The following HHAT variants were observed in gnomAD, a reference collection of about 807,000 sequenced individuals.
HHAT encodes the protein hedgehog acyltransferase, also known as protein-cysteine N-palmitoyltransferase HHAT.
HHAT carries 47 observed loss-of-function variants against 70.8 expected under a neutral mutation model. The ratio of observed to expected loss-of-function variants is 0.66; its 90% confidence interval spans 0.53 to 0.85. HHAT has a LOEUF of 0.85. Among genes scored for constraint, HHAT ranks in the 40% least tolerant of loss-of-function variants. The pLI is 0.00. For synonymous variants in HHAT, 228 were observed against 247.6 expected (o/e 0.92, Z 0.74); for missense variants, 609 against 604.8 (o/e 1.01, Z -0.07).
At chr1:210,658,230 C>G (rs961296095) in intron 11 of HHAT, among the ~76,000 whole-genome samples, 1 of 152,156 alleles carries the variant, frequency 6.6e-6, no homozygotes, top group Non-Finnish European at 1.5e-5. Flanking sequence ...CTCAGTCTCT[C>G]GAGCTTTCAT....
At chr1:210,660,621 A>G (rs1167801039) in intron 11 of HHAT, among the ~76,000 whole-genome samples, 1 of 152,224 alleles carries the variant, frequency 6.6e-6, no homozygotes, top group African/African-American at 2.4e-5. Context: ...ATCCTAAGCC[A>G]AAAGAACAAA....
chr1:210,334,736 G>A (rs2085328041), intron 1 of HHAT, among the ~76,000 whole-genome samples: 1 of 149,600 alleles, frequency 6.7e-6, no homozygotes, highest in Non-Finnish European at 1.5e-5. Context: ...AGTGGTAGAT[G>A]ATGTTATTAG....
chr1:210,502,982 T>C (rs554202267), intron 8 of HHAT, among the ~76,000 whole-genome samples: 8 of 152,200 alleles, frequency 5.3e-5, no homozygotes, highest in African/African-American at 1.9e-4. Context: ...ATTTTTTTTT[T>C]TTTGAGACGG....
intron 11 of HHAT, among the ~76,000 whole-genome samples, chr1:210,665,126 A>G (rs1164066947): frequency 6.6e-6 from 1 of 152,212 alleles, no homozygotes; most frequent in African/African-American, 2.4e-5. Context: ...GGGCTGTTAC[A>G]TGTGCATAGT....
chr1:210,599,868 C>A (rs535913136), intron 10 of HHAT, among the ~76,000 whole-genome samples: 1 of 152,194 alleles, frequency 6.6e-6, no homozygotes, highest in South Asian at 2.1e-4. Context: ...ACCTATGACA[C>A]CCTATCTGAT....
At chr1:210,408,571 C>T (rs1384398333) in intron 6 of HHAT, among the ~76,000 whole-genome samples, 1 of 152,162 alleles carries the variant, frequency 6.6e-6, no homozygotes, top group Non-Finnish European at 1.5e-5. Context: ...GGTATCCAGT[C>T]TGGTAGGCAG....
intron 2 of HHAT, among the ~76,000 whole-genome samples, chr1:210,353,577 A>G (rs1050173791): frequency 6.6e-6 from 1 of 151,752 alleles, no homozygotes; most frequent in African/African-American, 2.4e-5. Flanking sequence ...TAGGAAATCT[A>G]TATACTTTAT....
chr1:210,403,142 T>G (rs1572181798), intron 5 of HHAT, among the ~76,000 whole-genome samples: 1 of 152,322 alleles, frequency 6.6e-6, no homozygotes, highest in East Asian at 1.9e-4. Context: ...TTTTTCTCAC[T>G]CTCATTAATG....
intron 11 of HHAT, among the ~76,000 whole-genome samples, chr1:210,651,126 C>T (rs1675042138): frequency 6.6e-6 from 1 of 152,180 alleles, no homozygotes; most frequent in South Asian, 2.1e-4. Context: ...CTAGTTGAAT[C>T]TCCATAAAGG....
intron 5 of HHAT, among the ~76,000 whole-genome samples, 180 bp downstream of exon 5, chr1:210,400,842 A>G (rs537026018): frequency 6.6e-6 from 1 of 152,212 alleles, no homozygotes; most frequent in Non-Finnish European, 1.5e-5. Context: ...CAATCCTATC[A>G]TTCCTGGCTG....
At chr1:210,418,399 G>A (rs201493338) in intron 7 of HHAT, 74 bp downstream of exon 7, 362 of 223,636 alleles carry the variant, frequency 1.6e-3, no homozygotes, top group Non-Finnish European at 2.0e-3. Flanking sequence ...GAGCTGGAGT[G>A]GGGGGTGAGC....
intron 8 of HHAT, among the ~76,000 whole-genome samples, chr1:210,468,958 A>C (rs924952012): frequency 5.9e-5 from 9 of 152,224 alleles, no homozygotes; most frequent in African/African-American, 2.2e-4. Context: ...CAATCTTTTA[A>C]TCTCTGAGGA....
chr1:210,397,122 G>A (rs1318701989), intron 4 of HHAT, among the ~76,000 whole-genome samples: 1 of 152,152 alleles, frequency 6.6e-6, no homozygotes, highest in Non-Finnish European at 1.5e-5. Flanking sequence ...TTTAAAAAAT[G>A]TGCCATAGGA....
At chr1:210,541,918 A>G (rs2095434664) in intron 9 of HHAT, among the ~76,000 whole-genome samples, 1 of 152,078 alleles carries the variant, frequency 6.6e-6, no homozygotes, top group South Asian at 2.1e-4. Flanking sequence ...TCTCCCTTGG[A>G]GAATGTTTCT....
chr1:210,437,385 T>C, intron 7 of HHAT, among the ~76,000 whole-genome samples: 1 of 151,834 alleles, frequency 6.6e-6, no homozygotes, highest in Admixed American at 6.5e-5. Flanking sequence ...CGTTGGTGAA[T>C]TTGGAAAGCA....
In HHAT at chr1:210,546,716, A is replaced by C. The variant is rs183840747; in HGVS notation, c.1043+33528A>C. On this transcript the variant is annotated intron_variant, in intron 9 of 11. Coordinates refer to ENST00000261458, the MANE Select transcript of HHAT (RefSeq NM_018194.6). ...TGGCAGCTGGTGGTGGTGAGGATGG[A>C]GGCACAGAGAAAAGCAAGGCAGTGG... 6.2e-4 allele frequency among the ~76,000 whole-genome samples: 94 copies of C among 152,270 alleles called. 1 individual carries two copies. In the Middle Eastern group the frequency reaches 0.02, roughly 33 times the overall value.
chr1:210,582,381 C>T (rs1279566719), intron 9 of HHAT, among the ~76,000 whole-genome samples: 1 of 152,110 alleles, frequency 6.6e-6, no homozygotes, highest in Non-Finnish European at 1.5e-5. Context: ...AGCAAGCCCA[C>T]CTCGGCTCAG....
chr1:210,413,630 T>C (rs1432636449), intron 6 of HHAT, among the ~76,000 whole-genome samples: 1 of 152,188 alleles, frequency 6.6e-6, no homozygotes, highest in African/African-American at 2.4e-5. Context: ...CACAAAACAC[T>C]AGGATACGAA....
intron 10 of HHAT, among the ~76,000 whole-genome samples, chr1:210,612,246 T>G (rs1210365959): frequency 2.6e-5 from 4 of 152,178 alleles, no homozygotes; most frequent in East Asian, 3.8e-4. Flanking sequence ...TTCGTATTGT[T>G]TTACAACCAT....
Sources: allele counts gnomAD v4.1 joint callset (sites outside exome capture counted in the v4.1 genomes callset), GRCh38; gene constraint gnomAD v4.1.1; transcripts MANE v1.5; gene names NCBI Gene and HGNC (gene_info 2026-07-23, HGNC 2026-07-21).